The following SLIT2 variants were observed in gnomAD, a reference collection of about 807,000 sequenced individuals.
SLIT2 encodes slit guidance ligand 2, also known as slit homolog 2 protein.
SLIT2 carries 41 observed loss-of-function variants against 185.7 expected under a neutral mutation model. The ratio of observed to expected loss-of-function variants is 0.22; its 90% CI spans 0.17 to 0.29. SLIT2 has a LOEUF of 0.29. Among genes scored for constraint, SLIT2 ranks in the 10% least tolerant of loss-of-function variants. SLIT2 has a pLI of 1.00. For missense variants in SLIT2, 1,571 were observed against 1,909.0 expected (o/e 0.82, Z 3.30); for synonymous variants, 693 against 680.2 (o/e 1.02, Z -0.29).
intron 4 of SLIT2, among the ~76,000 whole-genome samples, chr4:20,273,800 A>G (rs1713881439): frequency 1.3e-5 from 2 of 152,146 alleles, no homozygotes; most frequent in Admixed American, 6.5e-5. Flanking sequence ...CCCATGTACA[A>G]ATTTCTCTTG....
At position 20,595,852 on chromosome 4, in the gene SLIT2, T is replaced by A. The variant is rs772411021; in HGVS notation, c.3320+18T>A. The A allele has an allele frequency of 6.2e-7, 1 of 1,609,722 alleles. No individual in the cohort carries two copies. The highest frequency in any genetic ancestry group is 1.7e-5 in the Admixed American group (1 of 59,890). Reference sequence around the variant, plus strand: ...GGTTACAGGTAAAAGCAGAAATGAATAAGACCTAGTGTTCAATAAGACCTA... The same window carrying A: ...GGTTACAGGTAAAAGCAGAAATGAAAAAGACCTAGTGTTCAATAAGACCTA... On this transcript the variant is annotated intron_variant, in intron 31 of 36. Coordinates refer to ENST00000504154, the MANE Select transcript of SLIT2 (RefSeq NM_004787.4).
At position 20,598,379 on chromosome 4, in the gene SLIT2, G is replaced by C. The variant is rs768899224; in HGVS notation, c.3676G>C (p.Ala1226Pro). The change falls in exon 33 of 37, where the codon GCT (alanine) becomes CCT (proline). Residue 1226 changes from alanine to proline, a missense_variant. Around this residue, in one of 3 missense-constraint regions of SLIT2, gnomAD observed 146 missense variants for 247.4 expected, o/e 0.59. Coordinates refer to ENST00000504154, the MANE Select transcript of SLIT2 (RefSeq NM_004787.4). ...CAGCTATGACACCGGCTCTCATCCA[G>C]CTTCTGCCATTTACAGGTGAAGATC... ...RASYDTGSHP[A>P]SAIYSVETIN... 8 of 1,614,052 alleles carry C rather than the reference G, an allele frequency of 5.0e-6. No homozygotes were observed. Among genetic ancestry groups the C allele is most frequent in the Non-Finnish European group, 6.8e-6 (8 of 1,179,948 alleles).
intron 4 of SLIT2, among the ~76,000 whole-genome samples, chr4:20,417,426 A>T: frequency 7.6e-6 from 1 of 131,190 alleles, no homozygotes; most frequent in Admixed American, 8.3e-5. Context: ...TCATATATAT[A>T]TGTGTGTGTG....
intron 25 of SLIT2, among the ~76,000 whole-genome samples, chr4:20,553,196 C>T (rs924249924): frequency 1.3e-5 from 2 of 152,014 alleles, no homozygotes; most frequent in African/African-American, 4.8e-5. Context: ...ATCATTATTC[C>T]CAACCTTTCT....
intron 34 of SLIT2, among the ~76,000 whole-genome samples, chr4:20,611,995 T>G (rs1278981660): frequency 4.6e-5 from 7 of 152,212 alleles, no homozygotes; most frequent in Non-Finnish European, 1.0e-4. Flanking sequence ...TATGGACTTT[T>G]CGTTCACTTG....
At chr4:20,477,276 G>A (rs901847824) in intron 5 of SLIT2, among the ~76,000 whole-genome samples, 18 of 151,038 alleles carry the variant, frequency 1.2e-4, no homozygotes, top group Non-Finnish European at 1.5e-5. Flanking sequence ...ATTTTGGCGC[G>A]CTGCAACCTC....
chr4:20,358,741 T>G (rs887370837), intron 4 of SLIT2, among the ~76,000 whole-genome samples: 2 of 152,118 alleles, frequency 1.3e-5, no homozygotes, highest in African/African-American at 4.8e-5. Context: ...TACTTTCCCA[T>G]TGGACATTTA....
intron 4 of SLIT2, among the ~76,000 whole-genome samples, chr4:20,286,583 C>T (rs574838655): frequency 6.6e-6 from 1 of 152,232 alleles, no homozygotes; most frequent in African/African-American, 2.4e-5. Context: ...GGATGAACAC[C>T]TGAAGTCAGG....
At chr4:20,489,882 A>G (rs1038290289) in intron 8 of SLIT2, 2 of 152,108 alleles carry the variant, frequency 1.3e-5, no homozygotes, top group Admixed American at 1.3e-4. Flanking sequence ...AGGTCAGGAG[A>G]TTGAGACCAT....
chr4:20,381,383 A>G (rs975313097), intron 4 of SLIT2, among the ~76,000 whole-genome samples: 1 of 152,296 alleles, frequency 6.6e-6, no homozygotes, highest in East Asian at 1.9e-4. Flanking sequence ...CTTGTCAGAA[A>G]CTACACAAGC....
At chr4:20,564,022 A>G (rs1431302473) in intron 26 of SLIT2, among the ~76,000 whole-genome samples, 1 of 151,832 alleles carries the variant, frequency 6.6e-6, no homozygotes, top group Non-Finnish European at 1.5e-5. Context: ...GGACTGATCA[A>G]GTGTGGAAAA....
intron 5 of SLIT2, among the ~76,000 whole-genome samples, chr4:20,472,470 A>ATATCTATATATATAGATATC (rs1715440445): frequency 1.8e-5 from 1 of 54,572 alleles, no homozygotes; most frequent in Non-Finnish European, 3.0e-5. Context: ...CTATATCTAT[A>ATATCTATATATATAGATATC]TATAGATATA....
chr4:20,324,471 G>A (rs912771976), intron 4 of SLIT2, among the ~76,000 whole-genome samples: 5 of 152,138 alleles, frequency 3.3e-5, no homozygotes, highest in Admixed American at 2.6e-4. Context: ...TAAAGTAACG[G>A]AATGATGTAA....
At chr4:20,385,629 G>A (rs1724876043) in intron 4 of SLIT2, among the ~76,000 whole-genome samples, 1 of 152,058 alleles carries the variant, frequency 6.6e-6, no homozygotes, top group East Asian at 1.9e-4. Flanking sequence ...TTTCTCTTCA[G>A]GATTTTAAGA....
intron 20 of SLIT2, 61 bp from the exon 21 acceptor site, chr4:20,542,433 T>C (rs1300581895): frequency 3.9e-6 from 6 of 1,539,882 alleles, no homozygotes; most frequent in Non-Finnish European, 5.3e-6. Context: ...AGGCATAAAA[T>C]CCCTTCTAGC....
chr4:20,585,983 T>C (rs1727026426), intron 29 of SLIT2, among the ~76,000 whole-genome samples: 1 of 152,200 alleles, frequency 6.6e-6, no homozygotes, highest in East Asian at 1.9e-4. Context: ...TCATTTTATC[T>C]CTATTCTTCC....
intron 29 of SLIT2, among the ~76,000 whole-genome samples, chr4:20,584,743 C>T (rs764828422): frequency 1.1e-4 from 16 of 151,958 alleles, no homozygotes; most frequent in Non-Finnish European, 1.8e-4. Flanking sequence ...CATATATAAC[C>T]GACAGACAAA....
chr4:20,419,667 C>CTG (rs55679047), intron 4 of SLIT2, among the ~76,000 whole-genome samples: 32,568 of 137,836 alleles, frequency 0.24, 3,878 homozygotes, highest in East Asian at 0.36. Context: ...AAGTTTTAAG[C>CTG]TGTGTGTGTG....
In SLIT2 at chr4:20,340,896, C is replaced by T. The variant is rs918103872; in HGVS notation, c.395+72015C>T. On this transcript the variant is annotated intron_variant, in intron 4 of 36. Coordinates refer to ENST00000504154, the MANE Select transcript of SLIT2 (RefSeq NM_004787.4). ...GATTACAGGCGTGAGCCACCGTGCC[C>T]GGCCAATAAATTTTGTAATATATTA... Among the ~76,000 whole-genome samples, 23 of 152,208 alleles carry T rather than the reference C, an allele frequency of 1.5e-4. No homozygotes were observed. The East Asian group carries it at 1.7e-3, about 12-fold the overall frequency.
Sources: gnomAD v4.1 joint callset for allele counts (sites outside exome capture counted in the v4.1 genomes callset) on GRCh38, gnomAD v4.1.1 for gene constraint, gnomAD v4.1.1 regional missense constraint, MANE v1.5 for transcripts, NCBI Gene and HGNC (gene_info 2026-07-23, HGNC 2026-07-21) for gene names.